The following MROH7 variants were observed in gnomAD, a reference collection of about 807,000 sequenced individuals.
MROH7 encodes maestro heat-like repeat-containing protein family member 7.
MROH7 carries 113 observed loss-of-function variants against 129.2 expected under a neutral mutation model. That is an observed-to-expected ratio of 0.87 (90% CI 0.75 to 1.02). The LOEUF (loss-of-function observed/expected upper bound fraction) is 1.02, where lower values mean the gene tolerates loss of function less well. MROH7 is among the 50% of genes least tolerant of loss of function. MROH7 has a pLI of 0.00. For synonymous variants in MROH7, 655 were observed against 667.9 expected, an observed-to-expected ratio of 0.98 and a Z score of 0.30; for missense variants, 1,601 against 1,671.3, an observed-to-expected ratio of 0.96 and a Z score of 0.73.
intron 15 of MROH7, among the ~76,000 whole-genome samples, chr1:54,690,151 G>A (rs1645210644): frequency 6.6e-6 from 1 of 152,154 alleles, no homozygotes; most frequent in African/African-American, 2.4e-5. Context: ...GGGGACACAA[G>A]AGCCACCCCA....
intron 10 of MROH7, among the ~76,000 whole-genome samples, chr1:54,675,477 C>T (rs1644965813): frequency 6.6e-6 from 1 of 152,082 alleles, no homozygotes; most frequent in Non-Finnish European, 1.5e-5. Context: ...GGAGATTTAC[C>T]CTGTTGACCA....
At chr1:54,658,570 T>C (rs1246899528) in intron 3 of MROH7, among the ~76,000 whole-genome samples, 1 of 152,120 alleles carries the variant, frequency 6.6e-6, no homozygotes, top group African/African-American at 2.4e-5. Flanking sequence ...GATGGATCAG[T>C]AAAATATGTA....
At position 54,658,313 on chromosome 1, in the gene MROH7, C is replaced by G. The variant is rs1194787400; in HGVS notation, c.1231+4156C>G. 3.9e-5 allele frequency among the ~76,000 whole-genome samples: 6 copies of G among 152,242 alleles called. No individual in the cohort carries two copies. The South Asian group carries it at 1.0e-3, about 26-fold the overall frequency. ...ATAAATGTGTTTATTTCTGGGTACT[C>G]TATTTTGTTTCATTGGTCTATATGT... On this transcript the variant is annotated intron_variant, in intron 3 of 23. Coordinates refer to ENST00000421030, the MANE Select transcript of MROH7 (RefSeq NM_001039464.4).
At chr1:54,667,771 G>GT (rs1453150637) in intron 4 of MROH7, among the ~76,000 whole-genome samples, 3 of 123,052 alleles carry the variant, frequency 2.4e-5, no homozygotes, top group African/African-American at 3.5e-5. Context: ...AATTTACAAA[G>GT]TAAAAAAAAA....
chr1:54,674,220 A>T, intron 10 of MROH7, 69 bp downstream of exon 10: 1 of 1,545,550 alleles, frequency 6.5e-7, no homozygotes, highest in South Asian at 1.3e-5. Context: ...TCAATAAAGA[A>T]TCAGCTGGAG....
intron 15 of MROH7, among the ~76,000 whole-genome samples, chr1:54,687,999 C>T (rs1645175752): frequency 6.7e-6 from 1 of 149,166 alleles, no homozygotes; most frequent in African/African-American, 2.5e-5. Flanking sequence ...CTGACTTCAT[C>T]GCTTGAAGTC....
chr1:54,678,801 C>T lies in MROH7; in HGVS notation c.1996C>T (p.Leu666=). ...KELYESNKHF[L]GPYNPVSPCQ... The stretch of plus-strand genomic sequence containing the variant: ...GCTATATGAGAGCAACAAGCATTTC[C>T]TGGGGCCCTACAACCCTGTGAGCCC... Residue 666 remains leucine (L), a synonymous_variant, in exon 11 of 24, where the codon CTG becomes TTG. Coordinates refer to ENST00000421030, the MANE Select transcript of MROH7 (RefSeq NM_001039464.4). The T allele has an allele frequency of 6.2e-7, 1 of 1,614,130 alleles. No homozygotes were observed. The highest frequency in any genetic ancestry group is 8.5e-7 in the Non-Finnish European group (1 of 1,180,018).
intron 7 of MROH7, among the ~76,000 whole-genome samples, chr1:54,671,927 AGAGGG>A (rs1442879831): frequency 2.0e-5 from 3 of 151,970 alleles, no homozygotes. Flanking sequence ...ATGGTGGGGC[AGAGGG>A]GAGGGGAAGG....
intron 10 of MROH7, among the ~76,000 whole-genome samples, chr1:54,677,794 C>T (rs988465973): frequency 3.3e-5 from 5 of 152,132 alleles, no homozygotes; most frequent in African/African-American, 1.2e-4. Flanking sequence ...CCACTATGTG[C>T]CGGGTACTAT....
intron 17 of MROH7, among the ~76,000 whole-genome samples, chr1:54,696,562 G>A (rs1285402277): frequency 6.6e-6 from 1 of 150,806 alleles, no homozygotes; most frequent in Non-Finnish European, 1.5e-5. Flanking sequence ...TATGTAAGTG[G>A]AATCATACAA....
rs138878349 is a variant in MROH7 at position 54,687,831 on chromosome 1, C to T, written c.2711+1383C>T. Among the ~76,000 whole-genome samples, 414 of 150,734 alleles carry T rather than the reference C, an allele frequency of 2.7e-3. 4 individuals carry two copies. Among genetic ancestry groups the T allele is most frequent in the African/African-American group, 9.4e-3 (387 of 41,184 alleles). Reference sequence around the variant, plus strand: ...GGAATTTTGCTGTAGTTTTAGTATGCGTTTCTCTTATGAATGACATTGAGT... The same window carrying T: ...GGAATTTTGCTGTAGTTTTAGTATGTGTTTCTCTTATGAATGACATTGAGT... On this transcript the variant is annotated intron_variant, in intron 15 of 23. Transcript: ENST00000421030.
chr1:54,694,844 T>G (rs1645295468), intron 16 of MROH7, among the ~76,000 whole-genome samples: 1 of 152,162 alleles, frequency 6.6e-6, no homozygotes, highest in Non-Finnish European at 1.5e-5. Context: ...GACCACTGGC[T>G]TAGTAGAATG....
intron 15 of MROH7, 43 bp from the exon 16 acceptor site, chr1:54,692,381 G>A: frequency 1.2e-6 from 2 of 1,607,262 alleles, no homozygotes; most frequent in Non-Finnish European, 1.7e-6. Context: ...TGGCCTGCTA[G>A]GGCCCAGGTA....
intron 4 of MROH7, 112 bp from the exon 5 acceptor site, chr1:54,668,742 A>T: frequency 1.4e-6 from 1 of 729,498 alleles, no homozygotes; most frequent in Non-Finnish European, 2.4e-6. Flanking sequence ...TCTTGCACCA[A>T]TGCTGGCTTG....
At chr1:54,677,322 C>T (rs1377184044) in intron 10 of MROH7, among the ~76,000 whole-genome samples, 1 of 152,164 alleles carries the variant, frequency 6.6e-6, no homozygotes, top group South Asian at 2.1e-4. Flanking sequence ...TCACTTGAAC[C>T]CAGGAGGCGG....
At chr1:54,646,022 C>A (rs948912082) in intron 1 of MROH7, among the ~76,000 whole-genome samples, 10 of 152,236 alleles carry the variant, frequency 6.6e-5, no homozygotes, top group Non-Finnish European at 1.5e-4. Flanking sequence ...CAGGCCCGGT[C>A]TCCAGTGATA....
intron 15 of MROH7, 133 bp downstream of exon 15, chr1:54,686,581 A>T: frequency 1.3e-6 from 1 of 772,316 alleles, no homozygotes. Context: ...AAACAGAAGC[A>T]CAATTTTATT....
At chr1:54,649,340 G>A (rs1435017477) in intron 1 of MROH7, among the ~76,000 whole-genome samples, 1 of 152,258 alleles carries the variant, frequency 6.6e-6, no homozygotes, top group Non-Finnish European at 1.5e-5. Context: ...CAGGGCAAAG[G>A]CCAACAGGCA....
chr1:54,665,179 A>G lies in MROH7; in HGVS notation c.1244A>G (p.Glu415Gly). 6.2e-7 allele frequency: 1 copy of G among 1,613,852 alleles called. No individual in the cohort carries two copies. The highest frequency in any genetic ancestry group is 8.5e-7 in the Non-Finnish European group (1 of 1,179,844). ...LQGIPEGAFDEVTSCLVKVPE... is the reference protein window; with the variant it reads ...LQGIPEGAFDGVTSCLVKVPE... Reference sequence around the variant, plus strand: ...TCGTGCCCTGCAGGAGCCTTTGATGAAGTGACCTCATGCCTGGTGAAGGTG... The same window carrying G: ...TCGTGCCCTGCAGGAGCCTTTGATGGAGTGACCTCATGCCTGGTGAAGGTG... Residue 415 changes from glutamate (E) to glycine (G), a missense_variant, in exon 4 of 24, where the codon GAA becomes GGA. Physicochemically the swap from Glu to Gly is moderately conservative, Grantham distance 98 (BLOSUM62 -2). Transcript: ENST00000421030.
Sources: gnomAD v4.1 joint callset for allele counts (sites outside exome capture counted in the v4.1 genomes callset) on GRCh38, gnomAD v4.1.1 for gene constraint, MANE v1.5 for transcripts, NCBI Gene and HGNC (gene_info 2026-07-23, HGNC 2026-07-21) for gene names.